Variants in TBC1D31 observed in about 807,000 individuals in gnomAD.
The protein encoded by TBC1D31 is TBC1 domain family member 31, also known as WD repeat domain 67.
A neutral mutation model predicts 132.9 loss-of-function variants in TBC1D31; 99 were observed. The ratio of observed to expected loss-of-function variants is 0.74; its 90% CI spans 0.63 to 0.88. The LOEUF is 0.88. TBC1D31 is among the 40% of genes least tolerant of loss of function. The pLI is 0.00. For missense variants in TBC1D31, 1,134 were observed against 1,256.6 expected (o/e 0.90, Z 1.48); for synonymous variants, 385 against 419.4 (o/e 0.92, Z 1.00).
chr8:123,161,992 T>A, the TBC1D31 span, among the ~76,000 whole-genome samples: 1 of 126,026 alleles, frequency 7.9e-6, no homozygotes, highest in African/African-American at 3.2e-5. Context: ...CACTCCAGCC[T>A]GGATAACAGC....
intron 20 of TBC1D31, 91 bp from the exon 21 acceptor site, chr8:123,149,945 G>T: frequency 1.2e-6 from 1 of 824,126 alleles, no homozygotes; most frequent in Non-Finnish European, 2.0e-6. Flanking sequence ...AGCCATCCTT[G>T]GTGATTGTAA....
chr8:123,156,415 T>G (rs535076747), downstream of TBC1D31, among the ~76,000 whole-genome samples: 2 of 135,280 alleles, frequency 1.5e-5, no homozygotes, highest in African/African-American at 5.7e-5. Context: ...CAGTCCAGCC[T>G]GGGCAACAGA....
intron 10 of TBC1D31, among the ~76,000 whole-genome samples, chr8:123,111,663 T>TAC (rs906858422): frequency 5.3e-5 from 8 of 151,428 alleles, no homozygotes; most frequent in East Asian, 1.9e-4. Flanking sequence ...TTAACACACA[T>TAC]ACACACACAC....
rs57001935 is a variant in TBC1D31, at chr8:123,141,586, A to G, written c.2641-676A>G. On this transcript the variant is annotated intron_variant, in intron 18 of 21. Transcript: ENST00000287380. ...CTCTTTAACAAAATGTTAAATGGGT[A>G]TGTGTACCGGTCTGCTCCTATTCCA... Among the ~76,000 whole-genome samples, 499 of 152,294 alleles carry G rather than the reference A, an allele frequency of 3.3e-3. 3 individuals carry two copies. The highest frequency in any genetic ancestry group is 0.01 in the African/African-American group (426 of 41,558).
In TBC1D31 at chr8:123,129,105, A is replaced by C. The variant is rs1400379841; in HGVS notation, c.2157A>C (p.Gln719His). 1 of 1,608,506 alleles carries C rather than the reference A, an allele frequency of 6.2e-7. No individual in the cohort carries two copies. The highest frequency in any genetic ancestry group is 8.5e-7 in the Non-Finnish European group (1 of 1,176,304). ...VEDMQAKVDQ[Q>H]RVEDEAWYQK... ...ATATGCAAGCTAAAGTCGACCAGCA[A>C]AGAGTTGAAGATGAAGCTTGGTACC... Residue 719 changes from glutamine to histidine, a missense_variant, in exon 15 of 22, where the codon CAA becomes CAC. By Grantham distance (24) the Gln-to-His change is conservative (BLOSUM62 0). Coordinates refer to ENST00000287380, the MANE Select transcript of TBC1D31 (RefSeq NM_145647.4).
chr8:123,140,678 C>G, intron 17 of TBC1D31, 83 bp from the exon 18 acceptor site: 2 of 1,062,488 alleles, frequency 1.9e-6, no homozygotes, highest in East Asian at 2.6e-5. Flanking sequence ...TATTTGTGTG[C>G]ATATTACTAT....
intron 10 of TBC1D31, among the ~76,000 whole-genome samples, chr8:123,116,474 T>C (rs553341970): frequency 6.6e-6 from 1 of 152,310 alleles, no homozygotes; most frequent in South Asian, 2.1e-4. Flanking sequence ...AGGGCTAGAA[T>C]GAATCTTGCA....
At chr8:123,073,523 T>C in intron 1 of TBC1D31, 1 of 391,280 alleles carries the variant, frequency 2.6e-6, no homozygotes, top group Non-Finnish European at 5.1e-6. Flanking sequence ...TTACCTGTCC[T>C]GTTTGAGGCT....
chr8:123,102,641 A>G, intron 7 of TBC1D31: 1 of 191,206 alleles, frequency 5.2e-6, no homozygotes, highest in East Asian at 1.6e-4. Flanking sequence ...TTCAAAATTA[A>G]TAGTTGCAGT....
chr8:123,072,911 G>A, intron 1 of TBC1D31, 65 bp downstream of exon 1: 2 of 1,483,230 alleles, frequency 1.3e-6, no homozygotes, highest in Non-Finnish European at 1.8e-6. Context: ...AGGGGACGCC[G>A]GGCGTCAGGC....
chr8:123,133,737 T>C (rs1239587619), intron 16 of TBC1D31, among the ~76,000 whole-genome samples: 1 of 152,194 alleles, frequency 6.6e-6, no homozygotes, highest in Admixed American at 6.5e-5. Flanking sequence ...CTTATAAAAG[T>C]AGAGAAGTTT....
intron 7 of TBC1D31, chr8:123,102,158 T>C (rs931268366): frequency 3.1e-5 from 14 of 451,380 alleles, no homozygotes; most frequent in Middle Eastern, 3.3e-4. Context: ...AGTCATATTG[T>C]CCGTGTGTCT....
At chr8:123,075,145 A>C (rs1749714787) in intron 1 of TBC1D31, 1 of 152,236 alleles carries the variant, frequency 6.6e-6, no homozygotes. Flanking sequence ...TCTAGAAAAT[A>C]AGACTGGAGG....
chr8:123,100,795 T>C lies in TBC1D31; in HGVS notation c.832-12T>C. Reference sequence around the variant, plus strand: ...CACATGTTTTTAGGAATTTATATTTTTTCTCTCTTAGGTTCTTGGAGTACT... The same window carrying C: ...CACATGTTTTTAGGAATTTATATTTCTTCTCTCTTAGGTTCTTGGAGTACT... On this transcript the variant is annotated splice_polypyrimidine_tract_variant and intron_variant, in intron 6 of 21. Coordinates refer to ENST00000287380, the MANE Select transcript of TBC1D31 (RefSeq NM_145647.4). 1 of 1,602,796 alleles carries C rather than the reference T, an allele frequency of 6.2e-7. No homozygotes were observed. The highest frequency in any genetic ancestry group is 8.5e-7 in the Non-Finnish European group (1 of 1,170,476).
chr8:123,073,878 G>A (rs538065758), intron 1 of TBC1D31, among the ~76,000 whole-genome samples: 11 of 151,480 alleles, frequency 7.3e-5, no homozygotes, highest in Admixed American at 2.6e-4. Flanking sequence ...TAGAGACGGG[G>A]TTTCACCATG....
chr8:123,145,187 G>C (rs1822075054), intron 20 of TBC1D31, among the ~76,000 whole-genome samples: 2 of 152,234 alleles, frequency 1.3e-5, no homozygotes, highest in Admixed American at 6.5e-5. Flanking sequence ...GCCTCTCAAA[G>C]TGCTGGGATT....
intron 10 of TBC1D31, among the ~76,000 whole-genome samples, chr8:123,109,997 G>A (rs1049611435): frequency 6.6e-6 from 1 of 152,144 alleles, no homozygotes; most frequent in Non-Finnish European, 1.5e-5. Flanking sequence ...GGAGGCTGAG[G>A]CAGGGAGAAT....
chr8:123,104,884 G>A (rs1291013065), intron 7 of TBC1D31, among the ~76,000 whole-genome samples: 1 of 152,102 alleles, frequency 6.6e-6, no homozygotes, highest in Non-Finnish European at 1.5e-5. Flanking sequence ...AATTTCACTT[G>A]ACCCCAAAGA....
chr8:123,142,515 AAAGAC>A, intron 19 of TBC1D31, 59 bp downstream of exon 19: 69 of 1,297,354 alleles, frequency 5.3e-5, no homozygotes, highest in Middle Eastern at 2.6e-4. Context: ...TTTTTTTTTA[AAAGAC>A]AGAGTCTCAC....
Sources: gnomAD v4.1 joint callset for allele counts (sites outside exome capture counted in the v4.1 genomes callset) on GRCh38, gnomAD v4.1.1 for gene constraint, MANE v1.5 for transcripts, NCBI Gene and HGNC (gene_info 2026-07-23, HGNC 2026-07-21) for gene names.